The following PPM1L variants were observed in gnomAD, a reference collection of about 807,000 sequenced individuals.
PPM1L encodes the protein protein phosphatase, Mg2+/Mn2+ dependent 1L, also known as protein phosphatase 1L.
PPM1L carries 13 observed loss-of-function variants against 31.4 expected under a neutral mutation model. The ratio of observed to expected loss-of-function variants is 0.41; its 90% CI spans 0.27 to 0.66. The LOEUF (loss-of-function observed/expected upper bound fraction) is 0.66. PPM1L is among the 30% of genes least tolerant of loss of function. The probability of loss-of-function intolerance (pLI) is 0.29; values close to 1 mark genes in which losing one functional copy is unlikely to be tolerated. For synonymous variants in PPM1L, 184 were observed against 175.4 expected (o/e 1.05, Z -0.39); for missense variants, 326 against 453.7 (o/e 0.72, Z 2.56).
chr3:160,831,418 G>A (rs1459235285), intron 1 of PPM1L, among the ~76,000 whole-genome samples: 1 of 152,142 alleles, frequency 6.6e-6, no homozygotes, highest in African/African-American at 2.4e-5. Context: ...CCAGTATCAT[G>A]ATCTAATTTG....
chr3:160,914,693 T>G (rs1483743564), intron 1 of PPM1L, among the ~76,000 whole-genome samples: 1 of 152,224 alleles, frequency 6.6e-6, no homozygotes, highest in Non-Finnish European at 1.5e-5. Context: ...CTATCATTGT[T>G]GGACATTTGG....
chr3:160,846,536 AT>A (rs984586036), intron 1 of PPM1L, among the ~76,000 whole-genome samples: 5 of 152,132 alleles, frequency 3.3e-5, no homozygotes, highest in African/African-American at 1.2e-4. Context: ...GTTTCAAAAA[AT>A]TGTTATTACA....
intron 1 of PPM1L, among the ~76,000 whole-genome samples, chr3:160,838,596 G>A (rs1190268927): frequency 1.3e-5 from 2 of 152,156 alleles, no homozygotes; most frequent in Admixed American, 6.5e-5. Context: ...CAACTATGTA[G>A]ACTATGTCTG....
Position 160,774,647 on chromosome 3 carries a change from A to G in PPM1L, c.399+17940A>G, listed in dbSNP as rs147523174. 5.3e-5 allele frequency among the ~76,000 whole-genome samples: 8 copies of G among 152,246 alleles called. No homozygotes were observed. In the East Asian group the frequency reaches 9.7e-4, roughly 18 times the overall value. ...CCGCACTACAGCAAAAATAGTCTCTACTGTTCACTGAATACCTGATGGATA... is the reference window on the plus strand; with the variant it reads ...CCGCACTACAGCAAAAATAGTCTCTGCTGTTCACTGAATACCTGATGGATA... On this transcript the variant is annotated intron_variant, in intron 1 of 3. Coordinates refer to ENST00000498165, the MANE Select transcript of PPM1L (RefSeq NM_139245.4).
intron 2 of PPM1L, among the ~76,000 whole-genome samples, chr3:161,004,637 T>C (rs1405506993): frequency 3.4e-5 from 5 of 149,044 alleles, no homozygotes; most frequent in Admixed American, 3.3e-4. Context: ...TAGAGGTGTT[T>C]GTAGTATTCT....
intron 1 of PPM1L, among the ~76,000 whole-genome samples, chr3:160,865,976 A>T (rs918014973): frequency 6.6e-6 from 1 of 152,226 alleles, no homozygotes; most frequent in Admixed American, 6.5e-5. Context: ...GTCAGGGAGA[A>T]CAATTGTATT....
At chr3:160,837,783 C>T (rs1713763771) in intron 1 of PPM1L, among the ~76,000 whole-genome samples, 1 of 152,174 alleles carries the variant, frequency 6.6e-6, no homozygotes, top group South Asian at 2.1e-4. Context: ...AAGGGTAGGG[C>T]TAGCTTCGTG....
intron 1 of PPM1L, among the ~76,000 whole-genome samples, chr3:160,881,892 A>C (rs890200417): frequency 1.3e-5 from 2 of 152,272 alleles, no homozygotes; most frequent in East Asian, 3.9e-4. Flanking sequence ...TCTACTAAAA[A>C]TACAAAAAAT....
At chr3:161,003,960 G>A (rs1717601638) in intron 2 of PPM1L, among the ~76,000 whole-genome samples, 1 of 149,232 alleles carries the variant, frequency 6.7e-6, no homozygotes, top group South Asian at 2.2e-4. Context: ...CATTCAGTAT[G>A]ATATTGGCTG....
At chr3:160,879,236 A>G (rs868122156) in intron 1 of PPM1L, among the ~76,000 whole-genome samples, 22 of 152,280 alleles carry the variant, frequency 1.4e-4, no homozygotes, top group Middle Eastern at 3.4e-3. Flanking sequence ...TCTCTGTTCA[A>G]AGTCACCAAG....
chr3:160,962,751 G>A (rs1345103573), intron 2 of PPM1L, among the ~76,000 whole-genome samples: 2 of 151,852 alleles, frequency 1.3e-5, no homozygotes, highest in Non-Finnish European at 2.9e-5. Context: ...ATGCATGCTC[G>A]ATACTTTCTT....
At chr3:161,024,555 G>C (rs1438675029) in intron 2 of PPM1L, among the ~76,000 whole-genome samples, 18 of 152,006 alleles carry the variant, frequency 1.2e-4, no homozygotes, top group Non-Finnish European at 1.5e-5. Flanking sequence ...AAAATTAGCT[G>C]AGCGTGGTGG....
chr3:160,976,672 G>A lies in PPM1L; in HGVS notation c.574+14762G>A, dbSNP rs949355534. ...CTAGTTTATTTGTATAGAGGTGTTT[G>A]TAGTATTCTCTGATGGTAGTTTGTA... On this transcript the variant is annotated intron_variant, in intron 2 of 3. Transcript: ENST00000498165. 3.4e-3 allele frequency among the ~76,000 whole-genome samples: 522 copies of A among 152,264 alleles called. 2 individuals carry two copies. The highest frequency in any genetic ancestry group is 0.012 in the African/African-American group (506 of 41,558).
chr3:160,926,643 C>T (rs1043405721), intron 1 of PPM1L, among the ~76,000 whole-genome samples: 2 of 152,182 alleles, frequency 1.3e-5, no homozygotes, highest in Non-Finnish European at 2.9e-5. Context: ...CTGACTATGG[C>T]TCCCTCTGAT....
At chr3:160,795,942 T>A (rs1348438030) in intron 1 of PPM1L, among the ~76,000 whole-genome samples, 1 of 152,152 alleles carries the variant, frequency 6.6e-6, no homozygotes, top group Non-Finnish European at 1.5e-5. Flanking sequence ...AACTAGTTAT[T>A]TTCCCAGAGA....
At chr3:161,066,540 G>A (rs1437331657) in intron 3 of PPM1L, among the ~76,000 whole-genome samples, 1 of 152,168 alleles carries the variant, frequency 6.6e-6, no homozygotes, top group Non-Finnish European at 1.5e-5. Flanking sequence ...ACAAAGACTC[G>A]GAGGATAATT....
rs191539555 is a variant in PPM1L, at chr3:160,985,468, T to G, written c.574+23558T>G. On this transcript the variant is annotated intron_variant, in intron 2 of 3. Transcript: ENST00000498165. ...GTCCTAGTATAGTATTATAGTGAGG[T>G]TCAAATGAACTTTTAATATTCTCTA... 1.1e-4 allele frequency among the ~76,000 whole-genome samples: 16 copies of G among 152,334 alleles called. No individual in the cohort carries two copies. The East Asian group carries it at 2.3e-3, about 22-fold the overall frequency.
At chr3:160,882,603 A>T (rs1157690193) in intron 1 of PPM1L, among the ~76,000 whole-genome samples, 1 of 152,200 alleles carries the variant, frequency 6.6e-6, no homozygotes, top group Non-Finnish European at 1.5e-5. Flanking sequence ...TTACATCTGC[A>T]AAGACTCAAT....
chr3:160,945,772 TCTC>T (rs1349184540), intron 1 of PPM1L, among the ~76,000 whole-genome samples: 2 of 152,068 alleles, frequency 1.3e-5, no homozygotes, highest in African/African-American at 4.8e-5. Flanking sequence ...TCCTCCTTTT[TCTC>T]CTCCTCCTCA....
Sources: allele counts gnomAD v4.1 joint callset (sites outside exome capture counted in the v4.1 genomes callset), GRCh38; gene constraint gnomAD v4.1.1; transcripts MANE v1.5; gene names NCBI Gene and HGNC (gene_info 2026-07-23, HGNC 2026-07-21).